SEC31A: variants seen among roughly 807,000 people sequenced by gnomAD.
SEC31A encodes the protein SEC31 homolog A, COPII component.
In SEC31A, 70 loss-of-function variants were observed where a neutral mutation model predicts 151.0. The observed-to-expected ratio is 0.46, with a 90% confidence interval of 0.38 to 0.57. The LOEUF is 0.57. Ranked by LOEUF, SEC31A falls within the 20% of genes least tolerant of loss-of-function variation. The probability of loss-of-function intolerance (pLI) is 0.00; values close to 1 mark genes in which losing one functional copy is unlikely to be tolerated. For synonymous variants in SEC31A, 475 were observed against 505.9 expected (o/e 0.94, Z 0.82); for missense variants, 1,330 against 1,471.2 (o/e 0.90, Z 1.57).
intron 2 of SEC31A, 39 bp downstream of exon 2, chr4:82,881,819 A>G: frequency 6.8e-7 from 1 of 1,479,374 alleles, no homozygotes; most frequent in Admixed American, 1.7e-5. Flanking sequence ...AAGAGAAGAA[A>G]TTAGGTAACT....
chr4:82,890,143 A>G (rs1741968209), intron 1 of SEC31A, among the ~76,000 whole-genome samples: 1 of 139,074 alleles, frequency 7.2e-6, no homozygotes, highest in African/African-American at 2.7e-5. Flanking sequence ...CGGAGGTTGC[A>G]GTGAGCTGAG....
chr4:82,869,874 T>A (rs1235328011), intron 8 of SEC31A, among the ~76,000 whole-genome samples: 1 of 152,180 alleles, frequency 6.6e-6, no homozygotes, highest in Non-Finnish European at 1.5e-5. Flanking sequence ...ATATAAAAGC[T>A]ATAATTTATA....
intron 22 of SEC31A, among the ~76,000 whole-genome samples, chr4:82,837,272 GAATA>G (rs1279015669): frequency 2.0e-5 from 3 of 147,356 alleles, no homozygotes; most frequent in Admixed American, 6.8e-5. Context: ...TGTATGAAGG[GAATA>G]AATAAACCTA....
At chr4:82,889,553 A>AG in intron 1 of SEC31A, among the ~76,000 whole-genome samples, 1 of 151,238 alleles carries the variant, frequency 6.6e-6, no homozygotes, top group Admixed American at 6.6e-5. Context: ...TCTCAAAAAA[A>AG]AAAAAAAAGT....
At chr4:82,830,307 A>G (rs1725636772) in intron 22 of SEC31A, among the ~76,000 whole-genome samples, 1 of 152,102 alleles carries the variant, frequency 6.6e-6, no homozygotes, top group Non-Finnish European at 1.5e-5. Flanking sequence ...CTAAAAATAC[A>G]AAAATTAGCT....
At chr4:82,835,846 C>A (rs1578155253) in intron 22 of SEC31A, among the ~76,000 whole-genome samples, 2 of 152,128 alleles carry the variant, frequency 1.3e-5, no homozygotes, top group South Asian at 2.1e-4. Context: ...GTGTTATGAT[C>A]CTAATTCTTT....
intron 13 of SEC31A, among the ~76,000 whole-genome samples, chr4:82,862,161 C>A (rs1435970631): frequency 6.6e-6 from 1 of 150,930 alleles, no homozygotes; most frequent in Non-Finnish European, 1.5e-5. Flanking sequence ...GATCCACCTG[C>A]CTCGGCCTCC....
At chr4:82,821,849 G>A (rs1302282659) in intron 25 of SEC31A, among the ~76,000 whole-genome samples, 1 of 152,078 alleles carries the variant, frequency 6.6e-6, no homozygotes, top group Admixed American at 6.6e-5. Flanking sequence ...ACATATAGGT[G>A]AACTGTGGAA....
intron 1 of SEC31A, among the ~76,000 whole-genome samples, chr4:82,887,006 G>A (rs1319967132): frequency 6.6e-6 from 1 of 152,074 alleles, no homozygotes; most frequent in Non-Finnish European, 1.5e-5. Context: ...ATATTTAGGG[G>A]AAAACAAGTA....
Position 82,890,987 on chromosome 4 carries a change from C to G in SEC31A, c.-5+101G>C, listed in dbSNP as rs1719616259. ...CCAGAGACCGGGCCTCAGGCTGGTG[C>G]GGGGCAGCGGAGACCCAGGCTGCGG... On this transcript the variant is annotated intron_variant, in intron 1 of 26. Transcript: ENST00000395310. The G allele has an allele frequency of 2.0e-6, 3 of 1,502,520 alleles. No individual in the cohort carries two copies. In the Admixed American group the frequency reaches 6.2e-5, roughly 31 times the overall value. The allele number at this position is 1,502,520 out of a possible 1,614,324, so 93.1% of individuals were successfully genotyped here.
intron 24 of SEC31A, among the ~76,000 whole-genome samples, chr4:82,827,114 T>C (rs1201172186): frequency 1.3e-5 from 2 of 152,238 alleles, no homozygotes; most frequent in African/African-American, 2.4e-5. Context: ...TTTTAAATTG[T>C]AGCTACTGAC....
upstream of SEC31A, among the ~76,000 whole-genome samples, chr4:82,892,658 G>C (rs1355440412): frequency 6.6e-6 from 1 of 152,230 alleles, no homozygotes; most frequent in African/African-American, 2.4e-5. Flanking sequence ...GAACTAAACA[G>C]ATGATCAGTA....
rs201722691 is a variant in SEC31A, at chr4:82,842,330, G to A, written c.2778C>T (p.Tyr926=). ...GTGAAGAGGCCTGGTGCTGTGCTGC[G>A]TACAGCTGAGACTGCCCAGTATAGG... The part of the protein sequence containing the change: ...ASSYTGQSQL[Y]AAQHQASSPT... The change falls in exon 22 of 27, where the codon TAC becomes TAT. Residue 926 remains tyrosine (Y), a synonymous_variant. Transcript: ENST00000395310. 532 of 1,613,432 alleles carry A rather than the reference G, an allele frequency of 3.3e-4. 3 individuals carry two copies. The East Asian group carries it at 6.3e-3, about 19-fold the overall frequency.
At chr4:82,884,417 TAG>T (rs1454800230) in intron 1 of SEC31A, among the ~76,000 whole-genome samples, 2 of 152,350 alleles carry the variant, frequency 1.3e-5, no homozygotes, top group East Asian at 3.9e-4. Flanking sequence ...CTTTATCTTT[TAG>T]AGTTTTACGT....
chr4:82,835,062 G>C (rs1726886451), intron 22 of SEC31A, among the ~76,000 whole-genome samples: 1 of 152,068 alleles, frequency 6.6e-6, no homozygotes, highest in Non-Finnish European at 1.5e-5. Flanking sequence ...GGCCAGGCTG[G>C]TCTCGAACTC....
At chr4:82,867,027 C>A in intron 9 of SEC31A, 67 bp from the exon 10 acceptor site, 3 of 1,569,904 alleles carry the variant, frequency 1.9e-6, no homozygotes, top group Non-Finnish European at 2.6e-6. Flanking sequence ...CCAGTCATAT[C>A]CAAAAAAATT....
rs1446575613 is a variant in SEC31A, at chr4:82,880,795, A to G, written c.203+4T>C. 1 of 1,607,750 alleles carries G rather than the reference A, an allele frequency of 6.2e-7. No individual in the cohort carries two copies. Among genetic ancestry groups the G allele is most frequent in the Non-Finnish European group, 8.5e-7 (1 of 1,177,364 alleles). ...TCACATGAATTTAAAGCTGAACCTCATACCTGTGAGAAGAGGAGAATGTGG... is the reference window on the plus strand; with the variant it reads ...TCACATGAATTTAAAGCTGAACCTCGTACCTGTGAGAAGAGGAGAATGTGG... On this transcript the variant is annotated splice_donor_region_variant and intron_variant, in intron 3 of 26. Coordinates refer to ENST00000395310, the MANE Select transcript of SEC31A (RefSeq NM_001077207.4).
chr4:82,845,057 C>A, intron 20 of SEC31A: 1 of 528,070 alleles, frequency 1.9e-6, no homozygotes, highest in Non-Finnish European at 3.3e-6. Flanking sequence ...CTGCTTCTTG[C>A]ATCCTAAAAG....
rs562564928 is a variant in SEC31A, at chr4:82,867,476, T to C, written c.883-160A>G. 2.0e-5 allele frequency among the ~76,000 whole-genome samples: 3 copies of C among 152,330 alleles called. No individual in the cohort carries two copies. In the South Asian group the frequency reaches 6.2e-4, roughly 32 times the overall value. On this transcript the variant is annotated intron_variant, in intron 8 of 26. Coordinates refer to ENST00000395310, the MANE Select transcript of SEC31A (RefSeq NM_001077207.4). ...AAAAGAATACTAAGATTTTTTAAAGTGCAAGAATGATCCATTACGATGACC... is the reference window on the plus strand; with the variant it reads ...AAAAGAATACTAAGATTTTTTAAAGCGCAAGAATGATCCATTACGATGACC...
Sources: gnomAD v4.1 joint callset for allele counts (sites outside exome capture counted in the v4.1 genomes callset) on GRCh38, gnomAD v4.1.1 for gene constraint, MANE v1.5 for transcripts, NCBI Gene and HGNC (gene_info 2026-07-23, HGNC 2026-07-21) for gene names.